Variants in IGF1R observed in about 807,000 individuals in gnomAD.
The protein encoded by IGF1R is insulin-like growth factor 1 receptor.
A neutral mutation model predicts 144.6 loss-of-function variants in IGF1R; 44 were observed. The ratio of observed to expected loss-of-function variants is 0.30; its 90% CI spans 0.24 to 0.39. The LOEUF (loss-of-function observed/expected upper bound fraction) is 0.39, where lower values mean the gene tolerates loss of function less well. IGF1R is among the 10% of genes least tolerant of loss of function. The probability of loss-of-function intolerance (pLI) is 1.00; values close to 1 mark genes in which losing one functional copy is unlikely to be tolerated. For missense variants in IGF1R, 1,355 were observed against 1,833.7 expected, an observed-to-expected ratio of 0.74 and a Z score of 4.77; for synonymous variants, 795 against 722.8, an observed-to-expected ratio of 1.10 and a Z score of -1.60.
chr15:98,781,371 A>C (rs187591913), intron 2 of IGF1R, among the ~76,000 whole-genome samples: 1 of 152,276 alleles, frequency 6.6e-6, no homozygotes, highest in African/African-American at 2.4e-5. Flanking sequence ...TTGCCTGATC[A>C]CTTTTGCTAG....
intron 2 of IGF1R, among the ~76,000 whole-genome samples, chr15:98,800,906 T>C (rs1182047946): frequency 6.6e-6 from 1 of 152,232 alleles, no homozygotes; most frequent in East Asian, 1.9e-4. Flanking sequence ...TAGCCCAGGC[T>C]TCATTTTAAA....
At chr15:98,739,116 G>A (rs2054678914) in intron 2 of IGF1R, among the ~76,000 whole-genome samples, 1 of 152,200 alleles carries the variant, frequency 6.6e-6, no homozygotes, top group Middle Eastern at 3.2e-3. Flanking sequence ...TGCTGTGGCT[G>A]TGCTGTGCAG....
chr15:98,738,902 C>T lies in IGF1R; in HGVS notation c.640+30795C>T, dbSNP rs183209396. 1.1e-4 allele frequency among the ~76,000 whole-genome samples: 17 copies of T among 152,286 alleles called. No homozygotes were observed. The East Asian group carries it at 3.1e-3, about 28-fold the overall frequency. ...AAATGCTTTTGCACATGTTTTCTCA[C>T]CCTGAGTGGCTACACTTGTACAGTC... is the stretch of plus-strand genomic sequence containing the variant. On this transcript the variant is annotated intron_variant, in intron 2 of 20. Transcript: ENST00000650285.
chr15:98,770,107 C>T (rs987937593), intron 2 of IGF1R, among the ~76,000 whole-genome samples: 12 of 152,138 alleles, frequency 7.9e-5, no homozygotes, highest in Non-Finnish European at 1.2e-4. Context: ...TGCTCTCTGA[C>T]GGGGATCTAA....
At chr15:98,903,399 G>A (rs913370879) in intron 5 of IGF1R, among the ~76,000 whole-genome samples, 11 of 152,178 alleles carry the variant, frequency 7.2e-5, no homozygotes, top group African/African-American at 1.9e-4. Context: ...CCTACCACTC[G>A]ACTGTGCAAC....
At chr15:98,701,092 T>G (rs1025089441) in intron 1 of IGF1R, among the ~76,000 whole-genome samples, 3 of 152,012 alleles carry the variant, frequency 2.0e-5, no homozygotes, top group African/African-American at 7.2e-5. Flanking sequence ...TCCAAAGAAT[T>G]CATTTTAAGA....
intron 2 of IGF1R, among the ~76,000 whole-genome samples, chr15:98,851,413 T>TA (rs1235798639): frequency 1.3e-5 from 2 of 152,186 alleles, no homozygotes; most frequent in Non-Finnish European, 2.9e-5. Context: ...CAACGTGACT[T>TA]ACCATCAGAG....
chr15:98,837,223 G>T (rs1432290169), intron 2 of IGF1R, among the ~76,000 whole-genome samples: 1 of 151,964 alleles, frequency 6.6e-6, no homozygotes, highest in Non-Finnish European at 1.5e-5. Flanking sequence ...TCACTAATTA[G>T]TGCCCCACCA....
chr15:98,698,038 C>CTTT (rs57604161), intron 1 of IGF1R, among the ~76,000 whole-genome samples: 1 of 133,478 alleles, frequency 7.5e-6, no homozygotes, highest in South Asian at 2.5e-4. Context: ...CCTGGCCTTC[C>CTTT]TTTTTTTTTT....
chr15:98,834,126 C>A (rs780459939), intron 2 of IGF1R, among the ~76,000 whole-genome samples: 1 of 152,234 alleles, frequency 6.6e-6, no homozygotes, highest in African/African-American at 2.4e-5. Context: ...ATTGCTGGAG[C>A]ATGTAACAGC....
chr15:98,729,623 G>A (rs541106457), intron 2 of IGF1R, among the ~76,000 whole-genome samples: 1 of 150,746 alleles, frequency 6.6e-6, no homozygotes, highest in African/African-American at 2.4e-5. Context: ...AGAGCAGGCT[G>A]TGTGTGTGGT....
chr15:98,926,236 A>G (rs1879907931), intron 13 of IGF1R, among the ~76,000 whole-genome samples: 1 of 152,236 alleles, frequency 6.6e-6, no homozygotes. Context: ...GAAATACCAC[A>G]TGATCTTTCT....
At chr15:98,861,320 G>A (rs551269357) in intron 2 of IGF1R, among the ~76,000 whole-genome samples, 36 of 152,282 alleles carry the variant, frequency 2.4e-4, no homozygotes, top group Admixed American at 2.0e-3. Flanking sequence ...GAAGAAGTTT[G>A]TTATCGGTCT....
chr15:98,685,095 A>G (rs1165273825), intron 1 of IGF1R, among the ~76,000 whole-genome samples: 2 of 152,006 alleles, frequency 1.3e-5, no homozygotes, highest in Admixed American at 6.6e-5. Flanking sequence ...GATGTGTGCC[A>G]TCACGCCTGG....
At chr15:98,873,028 A>G (rs1440635799) in intron 2 of IGF1R, among the ~76,000 whole-genome samples, 2 of 152,168 alleles carry the variant, frequency 1.3e-5, no homozygotes, top group African/African-American at 4.8e-5. Flanking sequence ...GAGGAATGCT[A>G]CCTCGCGTCA....
chr15:98,937,442 A>G (rs11635251), intron 17 of IGF1R, among the ~76,000 whole-genome samples: 26,309 of 152,144 alleles, frequency 0.17, 2,807 homozygotes, highest in South Asian at 0.37. Context: ...TCCTCAATAT[A>G]AAATAAGAGG....
intron 17 of IGF1R, among the ~76,000 whole-genome samples, 170 bp from the exon 18 acceptor site, chr15:98,939,031 G>A (rs767057539): frequency 2.0e-5 from 3 of 152,164 alleles, no homozygotes; most frequent in Admixed American, 2.0e-4. Context: ...GAGCAAGCAG[G>A]TGCCATGCTC....
chr15:98,810,776 C>T (rs1206297464), intron 2 of IGF1R, among the ~76,000 whole-genome samples: 2 of 151,574 alleles, frequency 1.3e-5, no homozygotes, highest in South Asian at 2.1e-4. Flanking sequence ...TCTTGATCTC[C>T]TGACCTCGTG....
chr15:98,810,152 G>A (rs2056554955), intron 2 of IGF1R, among the ~76,000 whole-genome samples: 1 of 151,284 alleles, frequency 6.6e-6, no homozygotes, highest in Non-Finnish European at 1.5e-5. Context: ...GTGGCTGGCG[G>A]AGGGGGTGGT....
Sources: gnomAD v4.1 joint callset for allele counts (sites outside exome capture counted in the v4.1 genomes callset) on GRCh38, gnomAD v4.1.1 for gene constraint, MANE v1.5 for transcripts, NCBI Gene and HGNC (gene_info 2026-07-23, HGNC 2026-07-21) for gene names.